The following OTOGL variants were observed in gnomAD, a reference collection of about 807,000 sequenced individuals.
OTOGL encodes otogelin-like protein.
OTOGL carries 285 observed loss-of-function variants against 318.5 expected under a neutral mutation model. The observed-to-expected ratio is 0.89, with a 90% CI of 0.81 to 0.99. OTOGL has a LOEUF of 0.99. OTOGL is among the 50% of genes least tolerant of loss of function. The probability of loss-of-function intolerance (pLI) is 0.00; values close to 1 mark genes in which losing one functional copy is unlikely to be tolerated. For missense variants in OTOGL, 2,899 were observed against 2,845.6 expected (o/e 1.02, Z -0.43); for synonymous variants, 987 against 936.5 (o/e 1.05, Z -0.99).
intron 1 of OTOGL, among the ~76,000 whole-genome samples, chr12:80,102,258 C>T (rs1314575118): frequency 6.6e-6 from 1 of 152,222 alleles, no homozygotes; most frequent in African/African-American, 2.4e-5. Context: ...ATTTATCTAT[C>T]TATCTTACTT....
intron 1 of OTOGL, among the ~76,000 whole-genome samples, chr12:80,192,578 G>A (rs1461639981): frequency 2.0e-5 from 3 of 152,306 alleles, no homozygotes; most frequent in Non-Finnish European, 4.4e-5. Context: ...CATAAAAAAA[G>A]GAATTTTCTC....
chr12:80,245,086 A>G (rs1280027193), intron 11 of OTOGL, among the ~76,000 whole-genome samples: 2 of 125,922 alleles, frequency 1.6e-5, no homozygotes, highest in Admixed American at 7.9e-5. Context: ...AGTAGGTTGC[A>G]AAAATTTTCT....
At chr12:80,224,069 T>G (rs917696397) in intron 7 of OTOGL, among the ~76,000 whole-genome samples, 1 of 152,180 alleles carries the variant, frequency 6.6e-6, no homozygotes, top group African/African-American at 2.4e-5. Context: ...CACGTCTAGA[T>G]TTAAGTATTT....
chr12:80,305,637 C>G lies in OTOGL; in HGVS notation c.3275C>G (p.Ser1092Cys). The G allele has an allele frequency of 1.9e-6, 3 of 1,584,062 alleles. No homozygotes were observed. Among genetic ancestry groups the G allele is most frequent in the Non-Finnish European group, 2.6e-6 (3 of 1,173,816 alleles). Residue 1092 changes from serine to cysteine, a missense_variant, in exon 29 of 59, where the codon TCT (serine) becomes TGT (cysteine). Around this residue, in one of 3 missense-constraint regions of OTOGL, gnomAD observed 2,607 missense variants for 2,524.9 expected, o/e 1.03. Coordinates refer to ENST00000547103, the MANE Select transcript of OTOGL (RefSeq NM_001378609.3). ...DKCTSNDMTTSNNLEVRNARV... is the reference protein window; with the variant it reads ...DKCTSNDMTTCNNLEVRNARV... ...TGCACTTCAAATGATATGACCACAT[C>G]TAATAACTTGGAAGTGAGAAATGCT...
At chr12:80,298,288 G>T (rs1269540492) in intron 27 of OTOGL, among the ~76,000 whole-genome samples, 1 of 152,112 alleles carries the variant, frequency 6.6e-6, no homozygotes, top group Non-Finnish European at 1.5e-5. Context: ...AAAGAAACCT[G>T]GGGTGCTTAG....
At position 80,125,874 on chromosome 12, in the gene OTOGL, C is replaced by T. The variant is rs56110892; in HGVS notation, c.-20+26269C>T. The stretch of plus-strand genomic sequence containing the variant: ...ATGGTAGTTTTTATTTCTGTGGGAT[C>T]GGTGGTGATATCCCCTTTATCATTT... On this transcript the variant is annotated intron_variant, in intron 1 of 58. Transcript: ENST00000547103. 8.6e-3 allele frequency among the ~76,000 whole-genome samples: 1,311 copies of T among 152,140 alleles called. 24 individuals carry two copies. The highest frequency in any genetic ancestry group is 0.03 in the African/African-American group (1,232 of 41,500).
At chr12:80,351,304 T>G (rs10862094) in intron 44 of OTOGL, among the ~76,000 whole-genome samples, 143,963 of 145,656 alleles carry the variant, frequency 0.99, 71,150 homozygotes, top group Non-Finnish European at 0.99. Context: ...TTTTTTTTTT[T>G]TTGTTGTTGT....
Position 80,100,084 on chromosome 12 carries a change from A to G in OTOGL, c.-20+479A>G, listed in dbSNP as rs551574785. ...TTGGGCTAAGTTCTCCCGCTTCCTC[A>G]TGGTCTGGAAGGCAGAAATCCCTTC... On this transcript the variant is annotated intron_variant, in intron 1 of 58. Transcript: ENST00000547103. Among the ~76,000 whole-genome samples, 3 of 152,250 alleles carry G rather than the reference A, an allele frequency of 2.0e-5. No homozygotes were observed. The South Asian group carries it at 6.2e-4, about 32-fold the overall frequency.
intron 5 of OTOGL, 43 bp downstream of exon 5, chr12:80,217,707 A>T: frequency 2.2e-6 from 3 of 1,383,682 alleles, no homozygotes; most frequent in Non-Finnish European, 3.0e-6. Context: ...TTTCTCAGAA[A>T]ATCCCTTTGG....
chr12:80,230,917 TG>T (rs1879304478), intron 8 of OTOGL, among the ~76,000 whole-genome samples: 1 of 152,230 alleles, frequency 6.6e-6, no homozygotes, highest in Non-Finnish European at 1.5e-5. Flanking sequence ...TGCTTTTCTT[TG>T]ACCTATTGAA....
chr12:80,243,793 T>C (rs1269271004), intron 11 of OTOGL, among the ~76,000 whole-genome samples: 3 of 148,406 alleles, frequency 2.0e-5, no homozygotes, highest in Non-Finnish European at 4.5e-5. Context: ...ACACATTTTA[T>C]ATATAAAATA....
intron 11 of OTOGL, among the ~76,000 whole-genome samples, chr12:80,250,741 G>T (rs549354970): frequency 6.6e-6 from 1 of 152,162 alleles, no homozygotes; most frequent in African/African-American, 2.4e-5. Context: ...CACTGAAAAT[G>T]TTAAGCCTCA....
chr12:80,285,208 G>A (rs189033574), intron 26 of OTOGL, among the ~76,000 whole-genome samples: 4 of 152,014 alleles, frequency 2.6e-5, no homozygotes, highest in South Asian at 2.1e-4. Flanking sequence ...CATTATTTCC[G>A]AGGCCTCTGT....
intron 44 of OTOGL, among the ~76,000 whole-genome samples, chr12:80,348,727 T>C (rs981799628): frequency 1.3e-5 from 2 of 152,220 alleles, no homozygotes; most frequent in Admixed American, 1.3e-4. Context: ...CGTCTTGTGC[T>C]ACACTCTTCT....
rs1477091831 is a variant in OTOGL, at chr12:80,209,515, G to T, written c.79+5G>T. Reference sequence around the variant, plus strand: ...TACTGCTGTTTTCATTACAAGGTAAGAACTCAGATTAAATTTTTATGTTAA... The same window carrying T: ...TACTGCTGTTTTCATTACAAGGTAATAACTCAGATTAAATTTTTATGTTAA... On this transcript the variant is annotated splice_donor_5th_base_variant and intron_variant, in intron 2 of 58. Transcript: ENST00000547103. The T allele has an allele frequency of 1.4e-6, 2 of 1,444,774 alleles. No homozygotes were observed. The highest frequency in any genetic ancestry group is 1.9e-6 in the Non-Finnish European group (2 of 1,070,932). 89.5% of individuals were successfully genotyped at this position (1,444,774 alleles called of 1,614,324 possible).
chr12:80,341,263 A>G (rs1888752792), intron 43 of OTOGL, among the ~76,000 whole-genome samples: 1 of 152,110 alleles, frequency 6.6e-6, no homozygotes, highest in Non-Finnish European at 1.5e-5. Flanking sequence ...AGGTCAAGGC[A>G]TCCCAAGGAA....
intron 18 of OTOGL, among the ~76,000 whole-genome samples, chr12:80,261,445 C>T (rs1050249910): frequency 1.8e-4 from 28 of 152,082 alleles, no homozygotes; most frequent in Admixed American, 9.8e-4. Flanking sequence ...CTTGATATTT[C>T]GGATCTCATA....
intron 30 of OTOGL, among the ~76,000 whole-genome samples, chr12:80,311,482 G>A (rs1886629700): frequency 6.6e-6 from 1 of 152,216 alleles, no homozygotes; most frequent in Admixed American, 6.5e-5. Flanking sequence ...GAGTGCAGTG[G>A]CATGATGTTG....
At chr12:80,108,914 A>G (rs1317726440) in intron 1 of OTOGL, among the ~76,000 whole-genome samples, 2 of 122,454 alleles carry the variant, frequency 1.6e-5, no homozygotes, top group Non-Finnish European at 3.3e-5. Context: ...GTGTATATAT[A>G]TGTGTATATA....
Sources: gnomAD v4.1 joint callset for allele counts (sites outside exome capture counted in the v4.1 genomes callset) on GRCh38, gnomAD v4.1.1 for gene constraint, gnomAD v4.1.1 regional missense constraint, MANE v1.5 for transcripts, NCBI Gene and HGNC (gene_info 2026-07-23, HGNC 2026-07-21) for gene names.